NAALADL2: variants seen among roughly 807,000 people sequenced by gnomAD.
NAALADL2 encodes the protein N-acetylated alpha-linked acidic dipeptidase like 2, also known as inactive N-acetylated-alpha-linked acidic dipeptidase-like protein 2.
In NAALADL2, 76 loss-of-function variants were observed where a neutral mutation model predicts 87.2. The observed-to-expected ratio is 0.87, with a 90% CI of 0.72 to 1.05. The LOEUF is 1.05. NAALADL2 is among the 50% of genes least tolerant of loss of function. The pLI is 0.00. For synonymous variants in NAALADL2, 354 were observed against 331.0 expected (o/e 1.07, Z -0.75); for missense variants, 1,089 against 945.8 (o/e 1.15, Z -1.99).
intron 4 of NAALADL2, among the ~76,000 whole-genome samples, chr3:175,303,701 G>A (rs1757356590): frequency 6.6e-6 from 1 of 152,122 alleles, no homozygotes; most frequent in South Asian, 2.1e-4. Context: ...CCCTTAGGGA[G>A]CATACTACCA....
intron 1 of NAALADL2, among the ~76,000 whole-genome samples, chr3:174,987,828 A>ATATATATAATTATAT (rs1746182163): frequency 7.6e-6 from 1 of 132,360 alleles, no homozygotes; most frequent in African/African-American, 3.7e-5. Context: ...ATATATATAT[A>ATATATATAATTATAT]ATGAGACCTT....
At chr3:174,854,764 A>C (rs1415233081), upstream of NAALADL2, among the ~76,000 whole-genome samples, 1 of 151,914 alleles carries the variant, frequency 6.6e-6, no homozygotes, top group African/African-American at 2.4e-5. Flanking sequence ...TTGAATACGT[A>C]ACACAGTATC....
At chr3:174,849,972 G>C (rs191612867) in intron 3 of NAALADL2, among the ~76,000 whole-genome samples, 1 of 152,070 alleles carries the variant, frequency 6.6e-6, no homozygotes, top group African/African-American at 2.4e-5. Flanking sequence ...ATATTTCTCT[G>C]TCACTTACCT....
chr3:174,996,981 A>G (rs1046176318), intron 1 of NAALADL2, among the ~76,000 whole-genome samples: 2 of 144,340 alleles, frequency 1.4e-5, no homozygotes, highest in Non-Finnish European at 3.0e-5. Flanking sequence ...ATGGCTGAGT[A>G]GTATTCCAAG....
rs960215232 is a variant in NAALADL2 at position 175,404,052 on chromosome 3, G to A, written c.1091-43177G>A. On this transcript the variant is annotated intron_variant, in intron 5 of 13. Coordinates refer to ENST00000454872, the MANE Select transcript of NAALADL2 (RefSeq NM_207015.3). ...TATTATACATACTCAAAACATTTGG[G>A]GGACATAGATGGCATATATTAAAAC... is the stretch of plus-strand genomic sequence containing the variant. Among the ~76,000 whole-genome samples, 5 of 151,980 alleles carry A rather than the reference G, an allele frequency of 3.3e-5. 1 individual carries two copies. Among genetic ancestry groups the A allele is most frequent in the Admixed American group, 2.6e-4 (4 of 15,242 alleles).
intron 13 of NAALADL2, among the ~76,000 whole-genome samples, chr3:175,779,549 G>A (rs1196859315): frequency 1.3e-5 from 2 of 151,858 alleles, no homozygotes; most frequent in Admixed American, 6.6e-5. Flanking sequence ...ATAAACTTCA[G>A]TATTCAGGTG....
At chr3:175,091,707 C>T (rs1720165838) in intron 1 of NAALADL2, among the ~76,000 whole-genome samples, 1 of 151,942 alleles carries the variant, frequency 6.6e-6, no homozygotes, top group Non-Finnish European at 1.5e-5. Context: ...GAATATTAAA[C>T]AGAATTCTTT....
At chr3:175,792,642 C>G (rs1287764724) in intron 13 of NAALADL2, among the ~76,000 whole-genome samples, 2 of 152,100 alleles carry the variant, frequency 1.3e-5, no homozygotes, top group Non-Finnish European at 2.9e-5. Context: ...TTCATAACTA[C>G]AGTAAGTAAT....
chr3:174,813,880 C>T (rs1043991181), intron 3 of NAALADL2, among the ~76,000 whole-genome samples: 1 of 151,914 alleles, frequency 6.6e-6, no homozygotes, highest in Non-Finnish European at 1.5e-5. Flanking sequence ...AGATCTCAAA[C>T]TTTTATGCAT....
At chr3:175,402,061 C>A (rs1770627425) in intron 5 of NAALADL2, among the ~76,000 whole-genome samples, 1 of 151,834 alleles carries the variant, frequency 6.6e-6, no homozygotes, top group Admixed American at 6.6e-5. Context: ...AATCATGGTA[C>A]TAGATTGATA....
chr3:175,386,332 T>A (rs752500201), intron 5 of NAALADL2, among the ~76,000 whole-genome samples: 1 of 152,022 alleles, frequency 6.6e-6, no homozygotes, highest in Non-Finnish European at 1.5e-5. Context: ...GTACAGTTGT[T>A]GCTGCATCCA....
chr3:175,565,354 T>A (rs113170033), intron 9 of NAALADL2, among the ~76,000 whole-genome samples: 3 of 152,282 alleles, frequency 2.0e-5, no homozygotes. Flanking sequence ...CTGAGTGAGG[T>A]GTTCCATATT....
intron 9 of NAALADL2, among the ~76,000 whole-genome samples, chr3:175,484,284 T>G (rs1278779857): frequency 6.6e-6 from 1 of 152,152 alleles, no homozygotes; most frequent in Non-Finnish European, 1.5e-5. Flanking sequence ...ATAATCAGTA[T>G]TTTCAAATCA....
At chr3:174,821,085 C>G (rs1439698088) in intron 3 of NAALADL2, among the ~76,000 whole-genome samples, 1 of 152,128 alleles carries the variant, frequency 6.6e-6, no homozygotes. Context: ...ATTTGTGGCC[C>G]TTTTGCTGAC....
At chr3:175,398,948 G>T (rs1770193283) in intron 5 of NAALADL2, among the ~76,000 whole-genome samples, 1 of 151,812 alleles carries the variant, frequency 6.6e-6, no homozygotes, top group Non-Finnish European at 1.5e-5. Flanking sequence ...AAAGTAAAAT[G>T]ATGAAAGAAC....
intron 3 of NAALADL2, among the ~76,000 whole-genome samples, chr3:174,794,028 T>C (rs1157750442): frequency 4.6e-5 from 7 of 152,068 alleles, no homozygotes; most frequent in Admixed American, 3.3e-4. Context: ...ATCCTTCCAT[T>C]ACAAGTACAG....
At chr3:174,800,312 C>T (rs1485332111) in intron 3 of NAALADL2, among the ~76,000 whole-genome samples, 2 of 152,032 alleles carry the variant, frequency 1.3e-5, no homozygotes, top group Non-Finnish European at 2.9e-5. Context: ...TGTATGCAGT[C>T]TAGGGACTTG....
intron 13 of NAALADL2, chr3:175,776,446 A>T (rs1268971079): frequency 1.3e-5 from 2 of 151,894 alleles, no homozygotes; most frequent in African/African-American, 4.8e-5. Context: ...TTTTCCCCCC[A>T]GTGCTTATTT....
intron 4 of NAALADL2, among the ~76,000 whole-genome samples, chr3:175,296,168 A>T (rs1194745765): frequency 2.0e-5 from 1 of 49,624 alleles, no homozygotes; most frequent in Non-Finnish European, 6.5e-5. Flanking sequence ...CCACCACCAT[A>T]TCCCATTGGA....
Sources: allele counts gnomAD v4.1 joint callset (sites outside exome capture counted in the v4.1 genomes callset), GRCh38; gene constraint gnomAD v4.1.1; transcripts MANE v1.5; gene names NCBI Gene and HGNC (gene_info 2026-07-23, HGNC 2026-07-21).